COL25A1: variants seen among roughly 807,000 people sequenced by gnomAD.
COL25A1 encodes the protein collagen type XXV alpha 1 chain, also known as collagen alpha-1(XXV) chain.
A neutral mutation model predicts 128.4 loss-of-function variants in COL25A1; 103 were observed. The observed-to-expected ratio is 0.80, with a 90% CI of 0.68 to 0.94. The LOEUF is 0.94. COL25A1 is among the 40% of genes least tolerant of loss of function. The probability of loss-of-function intolerance (pLI) is 0.00; values close to 1 mark genes in which losing one functional copy is unlikely to be tolerated. For missense variants in COL25A1, 745 were observed against 840.0 expected (o/e 0.89, Z 1.40); for synonymous variants, 279 against 277.2 (o/e 1.01, Z -0.06).
At chr4:109,267,726 G>T (rs1487435036) in intron 3 of COL25A1, among the ~76,000 whole-genome samples, 4 of 152,066 alleles carry the variant, frequency 2.6e-5, no homozygotes, top group Non-Finnish European at 5.9e-5. Flanking sequence ...GAGCATTTCA[G>T]ATTTTGGATT....
chr4:109,014,927 T>C lies in COL25A1; in HGVS notation c.421-4552A>G, dbSNP rs117119208. On this transcript the variant is annotated intron_variant, in intron 5 of 37. Transcript: ENST00000399132. ...AGATTCCAGGACTGCCTATACCACGTCCTCTCACTCACTAGGATGTAACAA... is the reference window on the plus strand; with the variant it reads ...AGATTCCAGGACTGCCTATACCACGCCCTCTCACTCACTAGGATGTAACAA... Among the ~76,000 whole-genome samples the C allele has an allele frequency of 2.7e-4, 41 of 152,344 alleles. No individual in the cohort carries two copies. The East Asian group carries it at 4.2e-3, about 16-fold the overall frequency.
At chr4:109,151,332 G>GT (rs2126102509) in intron 3 of COL25A1, among the ~76,000 whole-genome samples, 1 of 152,086 alleles carries the variant, frequency 6.6e-6, no homozygotes, top group Non-Finnish European at 1.5e-5. Flanking sequence ...TGACCATTTG[G>GT]TATCTCTTCT....
intron 3 of COL25A1, among the ~76,000 whole-genome samples, chr4:109,274,650 G>A (rs1328329736): frequency 2.0e-5 from 3 of 152,088 alleles, no homozygotes; most frequent in Non-Finnish European, 4.4e-5. Flanking sequence ...ATAGAAATAT[G>A]CACAGCTATC....
intron 3 of COL25A1, among the ~76,000 whole-genome samples, chr4:109,155,923 C>A (rs974729630): frequency 1.3e-5 from 2 of 152,170 alleles, no homozygotes; most frequent in African/African-American, 4.8e-5. Flanking sequence ...TAAGGAAAAA[C>A]CCTGTTTTTG....
chr4:109,174,359 G>A (rs1232469095), intron 3 of COL25A1, among the ~76,000 whole-genome samples: 1 of 152,114 alleles, frequency 6.6e-6, no homozygotes, highest in African/African-American at 2.4e-5. Flanking sequence ...AAGTCCCCTA[G>A]CTAAACATTC....
intron 18 of COL25A1, among the ~76,000 whole-genome samples, chr4:108,886,813 C>T: frequency 6.6e-6 from 1 of 152,072 alleles, no homozygotes; most frequent in East Asian, 1.9e-4. Context: ...TTTTCCCCTT[C>T]TTTTCACCTT....
chr4:108,972,138 G>A (rs1751976973), intron 8 of COL25A1, among the ~76,000 whole-genome samples: 1 of 152,082 alleles, frequency 6.6e-6, no homozygotes, highest in African/African-American at 2.4e-5. Flanking sequence ...ACCTGACAAA[G>A]AGCTGACATG....
intron 3 of COL25A1, among the ~76,000 whole-genome samples, chr4:109,112,511 AACAGTG>A (rs1411982599): frequency 7.0e-6 from 1 of 143,300 alleles, no homozygotes; most frequent in Non-Finnish European, 1.5e-5. Context: ...AGAAAAAAAA[AACAGTG>A]TTTCTATTCT....
intron 3 of COL25A1, among the ~76,000 whole-genome samples, chr4:109,241,856 TTAATTCA>T (rs1210770567): frequency 2.0e-5 from 3 of 152,100 alleles, no homozygotes; most frequent in African/African-American, 7.2e-5. Flanking sequence ...CTCCATGACT[TTAATTCA>T]TTTGTACAGA....
At chr4:108,986,013 G>A (rs924888171) in intron 6 of COL25A1, among the ~76,000 whole-genome samples, 2 of 152,058 alleles carry the variant, frequency 1.3e-5, no homozygotes, top group African/African-American at 4.8e-5. Flanking sequence ...GCTCCTCCAA[G>A]CCTAAAAGCT....
intron 3 of COL25A1, among the ~76,000 whole-genome samples, chr4:109,060,008 A>G (rs1174307363): frequency 1.3e-5 from 2 of 152,334 alleles, no homozygotes; most frequent in Non-Finnish European, 2.9e-5. Flanking sequence ...CTCTTCAACA[A>G]ATTAGCTACA....
chr4:108,892,541 A>G (rs1741634533), intron 16 of COL25A1, among the ~76,000 whole-genome samples: 1 of 152,220 alleles, frequency 6.6e-6, no homozygotes, highest in Non-Finnish European at 1.5e-5. Flanking sequence ...ACAGTGAACA[A>G]TGAAGTTATA....
At chr4:108,990,133 A>G (rs1282617564) in intron 6 of COL25A1, among the ~76,000 whole-genome samples, 2 of 144,400 alleles carry the variant, frequency 1.4e-5, no homozygotes, top group African/African-American at 5.2e-5. Flanking sequence ...AATCGCTTGA[A>G]TCCGGGAGGC....
At chr4:108,972,628 A>C (rs1560954253) in intron 8 of COL25A1, among the ~76,000 whole-genome samples, 1 of 152,286 alleles carries the variant, frequency 6.6e-6, no homozygotes, top group East Asian at 1.9e-4. Context: ...TAGGAATTCA[A>C]CCCAAATTCC....
chr4:109,093,725 G>A (rs1765159296), intron 3 of COL25A1, among the ~76,000 whole-genome samples: 1 of 152,016 alleles, frequency 6.6e-6, no homozygotes, highest in Non-Finnish European at 1.5e-5. Flanking sequence ...AAAATTTTCA[G>A]AACTAATGGC....
intron 3 of COL25A1, among the ~76,000 whole-genome samples, chr4:109,194,181 T>C (rs1775834124): frequency 1.3e-5 from 2 of 152,190 alleles, no homozygotes; most frequent in Non-Finnish European, 2.9e-5. Context: ...CCAGGACTCC[T>C]TATCCTACTG....
intron 3 of COL25A1, among the ~76,000 whole-genome samples, chr4:109,156,570 G>A (rs569290170): frequency 3.9e-5 from 6 of 152,220 alleles, no homozygotes; most frequent in Admixed American, 6.5e-5. Context: ...AAGTCTACAC[G>A]ATGTTGCTAT....
intron 3 of COL25A1, among the ~76,000 whole-genome samples, chr4:109,258,471 A>G (rs1307107768): frequency 6.6e-6 from 1 of 152,184 alleles, no homozygotes; most frequent in Non-Finnish European, 1.5e-5. Context: ...TATGTACTTC[A>G]TATAATTATT....
chr4:109,144,822 T>C lies in COL25A1; in HGVS notation c.368-94643A>G, dbSNP rs578084736. ...GCCGTTAGCATTTCCAAAAGCATTA[T>C]ACAAATTGTTCCTATGTGAGACATT... On this transcript the variant is annotated intron_variant, in intron 3 of 37. Transcript: ENST00000399132. Among the ~76,000 whole-genome samples, 22 of 151,472 alleles carry C rather than the reference T, an allele frequency of 1.5e-4. No homozygotes were observed. In the East Asian group the frequency reaches 2.5e-3, roughly 17 times the overall value.
Sources: allele counts gnomAD v4.1 joint callset (sites outside exome capture counted in the v4.1 genomes callset), GRCh38; gene constraint gnomAD v4.1.1; transcripts MANE v1.5; gene names NCBI Gene and HGNC (gene_info 2026-07-23, HGNC 2026-07-21).